The following DUSP16 variants were observed in gnomAD, a reference collection of about 807,000 sequenced individuals.
DUSP16 encodes dual specificity protein phosphatase 16.
A neutral mutation model predicts 58.3 loss-of-function variants in DUSP16; 21 were observed. That is an observed-to-expected ratio of 0.36 (90% CI 0.26 to 0.52). DUSP16 has a LOEUF of 0.52. DUSP16 is among the 20% of genes least tolerant of loss of function. The pLI is 0.94. For missense variants in DUSP16, 726 were observed against 819.0 expected (o/e 0.89, Z 1.39); for synonymous variants, 320 against 323.8 (o/e 0.99, Z 0.12).
intron 4 of DUSP16, among the ~76,000 whole-genome samples, chr12:12,498,827 A>T (rs1008166596): frequency 6.6e-6 from 1 of 152,184 alleles, no homozygotes; most frequent in African/African-American, 2.4e-5. Context: ...GTGCTTCCTG[A>T]CAAGCCTTCT....
chr12:12,486,289 C>T, intron 5 of DUSP16, among the ~76,000 whole-genome samples: 1 of 152,094 alleles, frequency 6.6e-6, no homozygotes, highest in East Asian at 1.9e-4. Flanking sequence ...CCACTGTCCA[C>T]TAAAGCCACA....
intron 4 of DUSP16, among the ~76,000 whole-genome samples, chr12:12,498,422 A>T (rs1040603588): frequency 6.2e-4 from 93 of 150,860 alleles, no homozygotes; most frequent in African/African-American, 2.2e-3. Context: ...TTATTTATTT[A>T]TTTATTTTTT....
chr12:12,528,657 A>G (rs1944338668), intron 1 of DUSP16, among the ~76,000 whole-genome samples: 1 of 152,230 alleles, frequency 6.6e-6, no homozygotes, highest in Non-Finnish European at 1.5e-5. Context: ...AAATGTAGCA[A>G]TAAATGAAAA....
intron 3 of DUSP16, among the ~76,000 whole-genome samples, chr12:12,506,338 G>A (rs1031674453): frequency 3.9e-5 from 6 of 152,126 alleles, no homozygotes; most frequent in African/African-American, 1.4e-4. Flanking sequence ...AGAATCAAGC[G>A]TCCTCTTATC....
chr12:12,550,168 G>T (rs879310768), intron 1 of DUSP16, among the ~76,000 whole-genome samples: 3 of 151,960 alleles, frequency 2.0e-5, no homozygotes, highest in Non-Finnish European at 2.9e-5. Context: ...AGCTGCTTGG[G>T]AGGCTGAGGT....
At chr12:12,498,020 C>T (rs75776856) in intron 4 of DUSP16, among the ~76,000 whole-genome samples, 4,013 of 152,068 alleles carry the variant, frequency 0.026, 61 homozygotes, top group Middle Eastern at 0.051. Flanking sequence ...TATTAGTGGT[C>T]TCATGGTTAC....
rs535651724 is a variant in DUSP16, at chr12:12,505,740, G to T, written c.368-5058C>A. Among the ~76,000 whole-genome samples the T allele has an allele frequency of 8.0e-5, 12 of 150,038 alleles. 1 individual carries two copies. The East Asian group carries it at 2.3e-3, about 29-fold the overall frequency. On this transcript the variant is annotated intron_variant, in intron 3 of 6. Transcript: ENST00000298573. ...CTAGAAAGTTCTAAGACAGAGAACA[G>T]AAAGGAGAGAAAGAAACCATTGTTC... is the stretch of plus-strand genomic sequence containing the variant.
At chr12:12,496,804 C>G (rs964220504) in intron 4 of DUSP16, among the ~76,000 whole-genome samples, 3 of 152,118 alleles carry the variant, frequency 2.0e-5, no homozygotes. Context: ...CATTTCAGCT[C>G]TAGTACAAAG....
intron 5 of DUSP16, among the ~76,000 whole-genome samples, chr12:12,480,874 A>G (rs1283469679): frequency 6.6e-6 from 1 of 152,066 alleles, no homozygotes; most frequent in African/African-American, 2.4e-5. Context: ...GTGCAGCACC[A>G]CGCCTGGCTA....
rs985466014 is a variant in DUSP16, at chr12:12,475,778, TTAC to T, written c.*1052_*1054del. The T allele has an allele frequency of 6.6e-6, 1 of 152,198 alleles. No individual in the cohort carries two copies. The highest frequency in any genetic ancestry group is 2.4e-5 in the African/African-American group (1 of 41,442). 9.4% of individuals were successfully genotyped at this position (152,198 alleles called of 1,614,324 possible). A position where few individuals can be genotyped will look rare whatever the true frequency, so the allele number is the denominator to read the frequency against. ...TTTCCTATAAAATTCTGCCATATTA[TTAC>T]ATTTTACCAACTGTATCCATGCAGT... On this transcript the variant is annotated 3_prime_UTR_variant, in exon 7 of 7. Transcript: ENST00000298573.
chr12:12,478,987 T>G (rs1943512106), intron 6 of DUSP16, among the ~76,000 whole-genome samples: 1 of 152,024 alleles, frequency 6.6e-6, no homozygotes, highest in Non-Finnish European at 1.5e-5. Flanking sequence ...ATCATATAGC[T>G]CCACAGAATC....
At position 12,473,485 on chromosome 12, in the gene DUSP16, T is replaced by G. The variant is rs576177033; in HGVS notation, c.*3348A>C. Among the ~76,000 whole-genome samples, 47 of 152,342 alleles carry G rather than the reference T, an allele frequency of 3.1e-4. No individual in the cohort carries two copies. The highest frequency in any genetic ancestry group is 1.1e-3 in the African/African-American group (45 of 41,580). ...TACCCTCTATCTCTGGAGGCTGATTTATTCTAATTCCCTTTATTCCTCTAT... is the reference window on the plus strand; with the variant it reads ...TACCCTCTATCTCTGGAGGCTGATTGATTCTAATTCCCTTTATTCCTCTAT... On this transcript the variant is annotated 3_prime_UTR_variant, in exon 7 of 7. Transcript: ENST00000298573.
intron 5 of DUSP16, 67 bp from the exon 6 acceptor site, chr12:12,480,413 A>G: frequency 1.9e-6 from 3 of 1,571,532 alleles, no homozygotes; most frequent in South Asian, 2.3e-5. Flanking sequence ...TCTTGTTTCC[A>G]TTTACTTACT....
chr12:12,534,571 T>C (rs999347053), intron 1 of DUSP16, among the ~76,000 whole-genome samples: 5 of 152,264 alleles, frequency 3.3e-5, no homozygotes, highest in African/African-American at 9.6e-5. Context: ...GAGGCTTTGC[T>C]GTTTCTTCAT....
intron 4 of DUSP16, among the ~76,000 whole-genome samples, chr12:12,497,213 CTTTACT>C (rs1943841015): frequency 6.6e-6 from 1 of 152,064 alleles, no homozygotes. Flanking sequence ...TTGCCCATTT[CTTTACT>C]TTTAAAGGCC....
chr12:12,558,182 T>G (rs1280431938), intron 1 of DUSP16, among the ~76,000 whole-genome samples: 1 of 152,256 alleles, frequency 6.6e-6, no homozygotes, highest in Non-Finnish European at 1.5e-5. Context: ...AACAAATGTT[T>G]TGCTTGATTC....
intron 1 of DUSP16, among the ~76,000 whole-genome samples, chr12:12,557,745 T>C (rs1944830474): frequency 6.6e-6 from 1 of 152,230 alleles, no homozygotes; most frequent in Non-Finnish European, 1.5e-5. Context: ...ATGTACTGTT[T>C]ACTTGTTTAC....
At chr12:12,511,490 C>G (rs1019285042) in intron 3 of DUSP16, among the ~76,000 whole-genome samples, 1 of 152,134 alleles carries the variant, frequency 6.6e-6, no homozygotes, top group Admixed American at 6.5e-5. Context: ...TCATTCCTGA[C>G]ATTTTTAATC....
intron 3 of DUSP16, among the ~76,000 whole-genome samples, chr12:12,518,312 G>A (rs1285380316): frequency 6.6e-6 from 1 of 152,070 alleles, no homozygotes. Context: ...GTCAAAGTTC[G>A]AGACCAGACT....
Sources: allele counts gnomAD v4.1 joint callset (sites outside exome capture counted in the v4.1 genomes callset), GRCh38; gene constraint gnomAD v4.1.1; transcripts MANE v1.5; gene names NCBI Gene and HGNC (gene_info 2026-07-23, HGNC 2026-07-21).